CEP112: variants seen among roughly 807,000 people sequenced by gnomAD.
CEP112 encodes the protein centrosomal protein 112.
Under a neutral mutation model 153.0 loss-of-function variants are expected in CEP112, and 127 were observed. The observed-to-expected ratio is 0.83, with a 90% CI of 0.72 to 0.96. The LOEUF is 0.96. Among genes scored for constraint, CEP112 ranks in the 40% least tolerant of loss-of-function variants. The probability of loss-of-function intolerance (pLI) is 0.00; values close to 1 mark genes in which losing one functional copy is unlikely to be tolerated. For missense variants in CEP112, 1,089 were observed against 1,101.2 expected, an observed-to-expected ratio of 0.99 and a Z score of 0.16; for synonymous variants, 358 against 374.4, an observed-to-expected ratio of 0.96 and a Z score of 0.51.
At chr17:65,712,905 G>A (rs1567901616) in intron 23 of CEP112, among the ~76,000 whole-genome samples, 1 of 152,144 alleles carries the variant, frequency 6.6e-6, no homozygotes, top group Non-Finnish European at 1.5e-5. Flanking sequence ...TTGCATTCAT[G>A]CCAAAAATCA....
chr17:66,038,936 G>A (rs1480963493), intron 12 of CEP112, among the ~76,000 whole-genome samples: 1 of 152,148 alleles, frequency 6.6e-6, no homozygotes, highest in Admixed American at 6.6e-5. Flanking sequence ...AGTCAGGAAT[G>A]AGGCAACAAC....
chr17:65,820,207 C>T (rs1286245714), intron 21 of CEP112, among the ~76,000 whole-genome samples: 1 of 151,996 alleles, frequency 6.6e-6, no homozygotes, highest in Admixed American at 6.6e-5. Context: ...ATAGCTTCCT[C>T]GTGTTATCCC....
At chr17:65,696,741 C>T (rs1024164460) in intron 23 of CEP112, among the ~76,000 whole-genome samples, 4 of 151,956 alleles carry the variant, frequency 2.6e-5, no homozygotes, top group Admixed American at 6.6e-5. Context: ...GGGTAGATGG[C>T]GGATCTGTGT....
At chr17:65,949,684 G>A (rs1037227749) in intron 18 of CEP112, among the ~76,000 whole-genome samples, 4 of 152,142 alleles carry the variant, frequency 2.6e-5, no homozygotes, top group African/African-American at 7.2e-5. Context: ...GAATACAGAC[G>A]ATGAGCCAGG....
intron 21 of CEP112, among the ~76,000 whole-genome samples, chr17:65,794,598 A>G (rs1237235632): frequency 6.6e-6 from 1 of 152,202 alleles, no homozygotes; most frequent in African/African-American, 2.4e-5. Flanking sequence ...CCCATTGCCT[A>G]CTAGAAAGCT....
Position 66,140,804 on chromosome 17 carries a change from AT to A in CEP112, c.471-8042del, listed in dbSNP as rs966181248. 6.2e-4 allele frequency among the ~76,000 whole-genome samples: 93 copies of A among 149,728 alleles called. 1 individual carries two copies. The East Asian group carries it at 0.012, about 20-fold the overall frequency. On this transcript the variant is annotated intron_variant, in intron 4 of 26. Transcript: ENST00000535342. ...AGGCACACACCACCACGCCTGGCTA[AT>A]TTTTTTTTTATTTTTATTTTTAGTA... is the stretch of plus-strand genomic sequence containing the variant.
intron 6 of CEP112, among the ~76,000 whole-genome samples, chr17:66,121,457 C>G (rs2069584835): frequency 6.6e-6 from 1 of 152,202 alleles, no homozygotes; most frequent in South Asian, 2.1e-4. Context: ...TCCTTTGTCT[C>G]CTCTTGTTCT....
intron 20 of CEP112, among the ~76,000 whole-genome samples, chr17:65,858,184 A>C (rs1054332826): frequency 4.6e-5 from 7 of 152,116 alleles, no homozygotes; most frequent in Non-Finnish European, 1.0e-4. Flanking sequence ...TTCTTGTACC[A>C]GTCATCTTTT....
At chr17:65,660,576 ACT>A (rs59812845) in intron 24 of CEP112, among the ~76,000 whole-genome samples, 80,519 of 145,964 alleles carry the variant, frequency 0.55, 23,085 homozygotes, top group East Asian at 0.73. Context: ...ACAGGTTCTC[ACT>A]CTGTTGCCCA....
chr17:66,007,866 G>A (rs775758418), intron 16 of CEP112, among the ~76,000 whole-genome samples: 1 of 152,014 alleles, frequency 6.6e-6, no homozygotes, highest in African/African-American at 2.4e-5. Context: ...AAGTTCTCTC[G>A]CAAGTTGAAT....
At chr17:66,099,412 G>A (rs953781024) in intron 6 of CEP112, among the ~76,000 whole-genome samples, 1 of 150,138 alleles carries the variant, frequency 6.7e-6, no homozygotes, top group African/African-American at 2.5e-5. Context: ...GCTGAGGCAG[G>A]AGAACCTCTT....
At chr17:65,952,130 T>C (rs2061856644) in intron 18 of CEP112, among the ~76,000 whole-genome samples, 1 of 152,140 alleles carries the variant, frequency 6.6e-6, no homozygotes, top group Non-Finnish European at 1.5e-5. Context: ...TTGTCTTGTA[T>C]CCAAGCATAT....
intron 6 of CEP112, among the ~76,000 whole-genome samples, chr17:66,102,732 A>G (rs528855756): frequency 1.3e-5 from 2 of 150,012 alleles, no homozygotes; most frequent in South Asian, 2.1e-4. Flanking sequence ...TGGGAGGCAG[A>G]GCTTGCACTG....
chr17:66,090,157 A>G (rs1321727804), intron 8 of CEP112, among the ~76,000 whole-genome samples: 1 of 152,120 alleles, frequency 6.6e-6, no homozygotes, highest in Non-Finnish European at 1.5e-5. Flanking sequence ...CATGACCACT[A>G]GACTTGTCTT....
intron 19 of CEP112, among the ~76,000 whole-genome samples, chr17:65,911,647 A>G (rs1028082574): frequency 2.0e-5 from 3 of 152,158 alleles, no homozygotes; most frequent in Non-Finnish European, 4.4e-5. Flanking sequence ...TAGGCAATGT[A>G]TCAAGACCCT....
At chr17:65,656,857 C>T (rs2046089026) in intron 24 of CEP112, among the ~76,000 whole-genome samples, 1 of 152,182 alleles carries the variant, frequency 6.6e-6, no homozygotes, top group Non-Finnish European at 1.5e-5. Flanking sequence ...GAGCTTACAA[C>T]CTTTGGTGTT....
intron 12 of CEP112, chr17:66,043,271 G>A (rs1459163717): frequency 6.5e-6 from 1 of 154,246 alleles, no homozygotes; most frequent in Non-Finnish European, 1.4e-5. Context: ...CAGAAATCAT[G>A]GATATTTTTA....
chr17:65,742,116 G>A (rs1455593323), intron 23 of CEP112, among the ~76,000 whole-genome samples: 1 of 151,810 alleles, frequency 6.6e-6, no homozygotes, highest in Non-Finnish European at 1.5e-5. Context: ...AGCTTAAAGG[G>A]AATATATAAA....
At chr17:65,883,347 T>C (rs2059156088) in intron 20 of CEP112, among the ~76,000 whole-genome samples, 1 of 151,848 alleles carries the variant, frequency 6.6e-6, no homozygotes, top group South Asian at 2.1e-4. Context: ...GATGTATATG[T>C]GTGTGTATAC....
Sources: gnomAD v4.1 joint callset for allele counts (sites outside exome capture counted in the v4.1 genomes callset) on GRCh38, gnomAD v4.1.1 for gene constraint, MANE v1.5 for transcripts, NCBI Gene and HGNC (gene_info 2026-07-23, HGNC 2026-07-21) for gene names.